The following KLF13 variants were observed in gnomAD, a reference collection of about 807,000 sequenced individuals.
KLF13 encodes the protein KLF transcription factor 13, also known as Krueppel-like factor 13.
In KLF13, 8 loss-of-function variants were observed where a neutral mutation model predicts 16.7. The observed-to-expected ratio is 0.48, with a 90% CI of 0.28 to 0.87. KLF13 has a LOEUF of 0.87. KLF13 is among the 40% of genes least tolerant of loss of function. The pLI, the probability that KLF13 is intolerant of heterozygous loss-of-function variation, is 0.10. For missense variants in KLF13, 447 were observed against 452.2 expected (o/e 0.99, Z 0.10); for synonymous variants, 245 against 208.4 (o/e 1.18, Z -1.51).
rs531388418 is a variant in KLF13 at position 31,430,490 on chromosome 15, G to C, written n.118-4880G>C. 1.5e-4 allele frequency among the ~76,000 whole-genome samples: 23 copies of C among 152,304 alleles called. 1 individual carries two copies. The highest frequency in any genetic ancestry group is 7.8e-4 in the Admixed American group (12 of 15,298). On this transcript the variant is annotated intron_variant and non_coding_transcript_variant, in intron 1 of 1. Transcript: ENST00000558225. ...CTTGCTGCATCACGACATGTTGGAAGGCATCACATGGTGGAAGGGCAAAGA... is the reference window on the plus strand; with the variant it reads ...CTTGCTGCATCACGACATGTTGGAACGCATCACATGGTGGAAGGGCAAAGA...
At chr15:31,401,003 AAAC>A (rs1392137070) in intron 2 of KLF13, among the ~76,000 whole-genome samples, 1 of 144,400 alleles carries the variant, frequency 6.9e-6, no homozygotes, top group East Asian at 2.2e-4. Context: ...ATAGATAAAT[AAAC>A]AATTTTTTTT....
At chr15:31,329,965 A>G (rs1595448218) in intron 1 of KLF13, among the ~76,000 whole-genome samples, 2 of 152,288 alleles carry the variant, frequency 1.3e-5, no homozygotes, top group Non-Finnish European at 2.9e-5. Context: ...CCGGTACCCC[A>G]GGTGACCCAT....
upstream of KLF13, among the ~76,000 whole-genome samples, chr15:31,390,867 G>T (rs1476003809): frequency 6.6e-6 from 1 of 151,446 alleles, no homozygotes; most frequent in Non-Finnish European, 1.5e-5. Context: ...GCTGAAACAG[G>T]CTTCCTTACT....
chr15:31,327,168 TGAC>T lies in KLF13; in HGVS notation c.-41_-39del, dbSNP rs1279431399. 6.0e-5 allele frequency: 70 copies of T among 1,161,892 alleles called. No homozygotes were observed. The highest frequency in any genetic ancestry group is 7.2e-5 in the Non-Finnish European group (68 of 941,318). The allele number at this position is 1,161,892 out of a possible 1,614,324, so 72.0% of individuals were successfully genotyped here. On this transcript the variant is annotated 5_prime_UTR_variant, in exon 1 of 2. Transcript: ENST00000307145. ...GAGGCCGTGGGTGCGGATGCGCGGCTGACGACTCGCAGCAAGAGCACCGCCGCC... is the reference window on the plus strand; with the variant it reads ...GAGGCCGTGGGTGCGGATGCGCGGCTGACTCGCAGCAAGAGCACCGCCGCC...
intron 1 of KLF13, among the ~76,000 whole-genome samples, chr15:31,417,405 G>T (rs1022349807): frequency 1.3e-5 from 2 of 151,894 alleles, no homozygotes; most frequent in Non-Finnish European, 2.9e-5. Flanking sequence ...TGAGGCATGA[G>T]AATTGCTTGA....
At chr15:31,331,519 A>T (rs532451006) in intron 1 of KLF13, among the ~76,000 whole-genome samples, 1 of 140,892 alleles carries the variant, frequency 7.1e-6, no homozygotes, top group African/African-American at 2.4e-5. Flanking sequence ...GTCCTCCCTG[A>T]TGCTGCTGCC....
chr15:31,408,389 G>GA (rs1460469998), downstream of KLF13, among the ~76,000 whole-genome samples: 3 of 152,084 alleles, frequency 2.0e-5, no homozygotes. Context: ...CCATCCATGG[G>GA]AAAAAACTTA....
At chr15:31,395,181 C>T (rs764840645) in intron 2 of KLF13, among the ~76,000 whole-genome samples, 4 of 152,110 alleles carry the variant, frequency 2.6e-5, no homozygotes, top group Non-Finnish European at 5.9e-5. Flanking sequence ...CGTTTCACCA[C>T]GTTGGCCAGT....
rs542831225 is a variant in KLF13, at chr15:31,411,562, A to ATTT, written n.117+17885_117+17887dup. Among the ~76,000 whole-genome samples, 335 of 137,748 alleles carry ATTT rather than the reference A, an allele frequency of 2.4e-3. 3 individuals carry two copies. Among genetic ancestry groups the ATTT allele is most frequent in the African/African-American group, 4.3e-3 (160 of 36,874 alleles). 90.4% of individuals were successfully genotyped at this position (137,748 alleles called of 152,430 possible). A position where few individuals can be genotyped will look rare whatever the true frequency, so the allele number is the denominator to read the frequency against. On this transcript the variant is annotated intron_variant and non_coding_transcript_variant, in intron 1 of 1. Transcript: ENST00000558225. ...AGGCGCCTGCCACCACACCTGGCTA[A>ATTT]TTTTTTTTTTTTTTTTGTATTTTTA... is the stretch of plus-strand genomic sequence containing the variant.
At chr15:31,378,908 C>T (rs760926799), downstream of KLF13, among the ~76,000 whole-genome samples, 10 of 152,166 alleles carry the variant, frequency 6.6e-5, no homozygotes, top group South Asian at 2.1e-4. Context: ...TTAGTAGAGA[C>T]GAGGTTTCAC....
chr15:31,420,029 A>G, intron 1 of KLF13: 1 of 323,846 alleles, frequency 3.1e-6, no homozygotes, highest in Non-Finnish European at 6.0e-6. Context: ...AAGGAGTGAG[A>G]TGTTATATTC....
At chr15:31,401,996 C>T (rs545188179) in intron 2 of KLF13, among the ~76,000 whole-genome samples, 12 of 152,336 alleles carry the variant, frequency 7.9e-5, no homozygotes, top group African/African-American at 2.6e-4. Context: ...CAGAAGAGCA[C>T]GTTTGGAGGC....
In KLF13 at chr15:31,433,414, C is replaced by G. The variant is rs1452414175; in HGVS notation, n.118-1956C>G. Among the ~76,000 whole-genome samples the G allele has an allele frequency of 3.3e-5, 5 of 152,140 alleles. No homozygotes were observed. In the South Asian group the frequency reaches 1.0e-3, roughly 32 times the overall value. The stretch of plus-strand genomic sequence containing the variant: ...TTTGCCAGCTCTCTCTGTTTAGGTC[C>G]TCTGTCCTAAAAACCCTAGCCACCT... On this transcript the variant is annotated intron_variant and non_coding_transcript_variant, in intron 1 of 1. Transcript: ENST00000558225.
upstream of KLF13, among the ~76,000 whole-genome samples, chr15:31,392,599 T>G (rs2039888025): frequency 6.6e-6 from 1 of 152,192 alleles, no homozygotes; most frequent in African/African-American, 2.4e-5. Flanking sequence ...ACTCGGCTCT[T>G]CCTCCCTGAC....
chr15:31,362,665 A>G (rs1429814947), intron 1 of KLF13, among the ~76,000 whole-genome samples: 2 of 152,240 alleles, frequency 1.3e-5, no homozygotes, highest in South Asian at 2.1e-4. Context: ...AGAATCTAAA[A>G]GATTTAAGTA....
chr15:31,335,690 T>C (rs1269044304), intron 1 of KLF13, among the ~76,000 whole-genome samples: 1 of 152,204 alleles, frequency 6.6e-6, no homozygotes, highest in Non-Finnish European at 1.5e-5. Flanking sequence ...TCCGTGGCCA[T>C]TGGCCAGTCT....
chr15:31,338,620 G>C (rs2038971865), intron 1 of KLF13, among the ~76,000 whole-genome samples: 1 of 152,122 alleles, frequency 6.6e-6, no homozygotes. Context: ...TGGAGGGTGG[G>C]ACCCTGGAGC....
intron 1 of KLF13, among the ~76,000 whole-genome samples, chr15:31,430,293 T>C (rs1221699217): frequency 3.3e-5 from 5 of 151,962 alleles, no homozygotes; most frequent in African/African-American, 1.2e-4. Context: ...TAAAAATCAA[T>C]AAGAGAGAGA....
chr15:31,392,073 G>A (rs956935515), upstream of KLF13, among the ~76,000 whole-genome samples: 7 of 151,890 alleles, frequency 4.6e-5, no homozygotes, highest in African/African-American at 1.7e-4. Flanking sequence ...ACTCGCCCCC[G>A]ACCCCCGGGT....
Sources: allele counts gnomAD v4.1 joint callset (sites outside exome capture counted in the v4.1 genomes callset), GRCh38; gene constraint gnomAD v4.1.1; transcripts MANE v1.5; gene names NCBI Gene and HGNC (gene_info 2026-07-23, HGNC 2026-07-21).